Variants in TNS3 observed in about 807,000 individuals in gnomAD.
TNS3 encodes the protein tensin 3.
TNS3 carries 45 observed loss-of-function variants against 140.9 expected under a neutral mutation model. The ratio of observed to expected loss-of-function variants is 0.32; its 90% CI spans 0.25 to 0.41. The LOEUF (loss-of-function observed/expected upper bound fraction) is 0.41, where lower values mean the gene tolerates loss of function less well. Among genes scored for constraint, TNS3 ranks in the 10% least tolerant of loss-of-function variants. The probability of loss-of-function intolerance (pLI) is 1.00; values close to 1 mark genes in which losing one functional copy is unlikely to be tolerated. For synonymous variants in TNS3, 815 were observed against 788.4 expected (o/e 1.03, Z -0.56); for missense variants, 1,716 against 1,906.7 (o/e 0.90, Z 1.86).
At chr7:47,329,685 G>A (rs1239002517) in intron 20 of TNS3, among the ~76,000 whole-genome samples, 7 of 152,132 alleles carry the variant, frequency 4.6e-5, no homozygotes, top group African/African-American at 4.8e-5. Flanking sequence ...CAGGCTCAGC[G>A]GAAGCGGATG....
chr7:47,395,406 T>C (rs1434267368), intron 16 of TNS3, among the ~76,000 whole-genome samples: 1 of 152,138 alleles, frequency 6.6e-6, no homozygotes, highest in Non-Finnish European at 1.5e-5. Flanking sequence ...CACCCTTCTC[T>C]CCTCCAGTGG....
chr7:47,573,112 C>A (rs1800595945), intron 1 of TNS3, among the ~76,000 whole-genome samples: 1 of 152,268 alleles, frequency 6.6e-6, no homozygotes, highest in Non-Finnish European at 1.5e-5. Context: ...GAGGTGGGGC[C>A]CACCCACCAG....
rs1248362611 is a variant in TNS3, at chr7:47,297,120, G to A, written c.3638C>T (p.Ala1213Val). Residue 1213 changes from alanine (A) to valine (V), a missense_variant, in exon 24 of 31, where the codon GCC becomes GTC. By Grantham distance (64) the Ala-to-Val change is moderately conservative (BLOSUM62 0). Around this residue, in one of 3 missense-constraint regions of TNS3, gnomAD observed 216 missense variants for 295.7 expected, o/e 0.73. Transcript: ENST00000311160. ...CTGCAGGACTGAAGGTGGGGGCGTG[G>A]CCACCTTCATGGCCAGGCCATAGGC... ...RGAYGLAMKVATPPPSVLQLN... is the reference protein window; with the variant it reads ...RGAYGLAMKVVTPPPSVLQLN... 8 of 1,613,978 alleles carry A rather than the reference G, an allele frequency of 5.0e-6. No individual in the cohort carries two copies. Among genetic ancestry groups the A allele is most frequent in the Non-Finnish European group, 6.8e-6 (8 of 1,180,020 alleles).
rs540079126 is a variant in TNS3 at position 47,486,885 on chromosome 7, T to C, written c.-114-5744A>G. 3.9e-5 allele frequency among the ~76,000 whole-genome samples: 6 copies of C among 152,370 alleles called. No homozygotes were observed. The East Asian group carries it at 1.2e-3, about 29-fold the overall frequency. ...ACTACATATTCTGTATAAACATGCA[T>C]ATTCTGTATAAAGAGAATAAATGTA... On this transcript the variant is annotated intron_variant, in intron 3 of 30. Coordinates refer to ENST00000311160, the MANE Select transcript of TNS3 (RefSeq NM_022748.12).
chr7:47,311,580 G>A (rs1787106467), intron 20 of TNS3, among the ~76,000 whole-genome samples: 1 of 152,142 alleles, frequency 6.6e-6, no homozygotes, highest in South Asian at 2.1e-4. Context: ...AATTGTGAGT[G>A]AACTGGGAGA....
intron 17 of TNS3, among the ~76,000 whole-genome samples, chr7:47,348,046 G>T (rs1411608568): frequency 6.6e-6 from 1 of 152,198 alleles, no homozygotes. Flanking sequence ...GCAGGCCAGG[G>T]AGGGGACCAC....
intron 13 of TNS3, among the ~76,000 whole-genome samples, chr7:47,404,465 C>T (rs1793331511): frequency 6.6e-6 from 1 of 152,140 alleles, no homozygotes; most frequent in South Asian, 2.1e-4. Context: ...GCACTTGGTA[C>T]TCAAAAACAT....
intron 2 of TNS3, among the ~76,000 whole-genome samples, chr7:47,509,642 G>C (rs1293032560): frequency 6.6e-6 from 1 of 152,080 alleles, no homozygotes; most frequent in Non-Finnish European, 1.5e-5. Context: ...TACAAAATAT[G>C]AATCAAACAG....
At chr7:47,429,929 C>T (rs1236075845) in intron 8 of TNS3, among the ~76,000 whole-genome samples, 2 of 152,124 alleles carry the variant, frequency 1.3e-5, no homozygotes, top group African/African-American at 4.8e-5. Flanking sequence ...CAGCTGAATC[C>T]TGGCACGTGC....
At chr7:47,422,638 A>AAAG (rs145132293) in intron 10 of TNS3, among the ~76,000 whole-genome samples, 61,393 of 151,568 alleles carry the variant, frequency 0.41, 12,568 homozygotes, top group Non-Finnish European at 0.42. Flanking sequence ...AAAAGAAAAA[A>AAAG]AAAATGAAGA....
chr7:47,451,182 G>C (rs1176978512), intron 4 of TNS3, among the ~76,000 whole-genome samples: 1 of 152,170 alleles, frequency 6.6e-6, no homozygotes, highest in African/African-American at 2.4e-5. Flanking sequence ...CAAGGCCTAA[G>C]CCTGCAAAGA....
At chr7:47,554,759 G>A (rs142495957) in intron 1 of TNS3, among the ~76,000 whole-genome samples, 41 of 152,268 alleles carry the variant, frequency 2.7e-4, no homozygotes, top group Non-Finnish European at 5.1e-4. Context: ...GGCCGAGCAC[G>A]GTGGTTCACA....
chr7:47,581,337 C>G (rs1186011181), intron 1 of TNS3: 1 of 149,850 alleles, frequency 6.7e-6, no homozygotes, highest in African/African-American at 2.5e-5. Flanking sequence ...CCAGAATATC[C>G]CCCCACCCCG....
chr7:47,492,335 A>G (rs1039499111), intron 3 of TNS3, among the ~76,000 whole-genome samples: 2 of 152,228 alleles, frequency 1.3e-5, no homozygotes, highest in Non-Finnish European at 1.5e-5. Flanking sequence ...ACACAGCCGC[A>G]TATCGGCAGG....
intron 1 of TNS3, among the ~76,000 whole-genome samples, chr7:47,531,429 C>T (rs950792220): frequency 6.6e-6 from 1 of 152,058 alleles, no homozygotes; most frequent in Non-Finnish European, 1.5e-5. Flanking sequence ...CACCAGCTGA[C>T]ACCTATGACA....
In TNS3 at chr7:47,528,233, G is replaced by A. The variant is rs140992110; in HGVS notation, c.-153+803C>T. The stretch of plus-strand genomic sequence containing the variant: ...CCTCAACCCATTAAGGTTTGACTGC[G>A]TGCATCGTTCCATCACAGGCACCCT... On this transcript the variant is annotated intron_variant, in intron 2 of 30. Coordinates refer to ENST00000311160, the MANE Select transcript of TNS3 (RefSeq NM_022748.12). Among the ~76,000 whole-genome samples, 516 of 152,248 alleles carry A rather than the reference G, an allele frequency of 3.4e-3. 2 individuals are homozygous for A. Among genetic ancestry groups the A allele is most frequent in the African/African-American group, 0.011 (455 of 41,530 alleles).
chr7:47,543,510 G>C (rs1329132715), intron 1 of TNS3, among the ~76,000 whole-genome samples: 1 of 152,246 alleles, frequency 6.6e-6, no homozygotes, highest in Admixed American at 6.5e-5. Context: ...AGGAGACAAG[G>C]AGTCCAACTC....
In TNS3 at chr7:47,433,932, C is replaced by A. The variant is rs538903017; in HGVS notation, c.324+1350G>T. Among the ~76,000 whole-genome samples the A allele has an allele frequency of 2.0e-5, 3 of 151,544 alleles. No homozygotes were observed. In the East Asian group the frequency reaches 5.8e-4, roughly 29 times the overall value. On this transcript the variant is annotated intron_variant, in intron 8 of 30. Coordinates refer to ENST00000311160, the MANE Select transcript of TNS3 (RefSeq NM_022748.12). ...CTCTCTCTCTCTCTCTTAGTTTGCA[C>A]CAAAACACAATTTGGGTGAAGGATC...
At chr7:47,385,236 G>T (rs982761537) in intron 16 of TNS3, among the ~76,000 whole-genome samples, 1 of 152,154 alleles carries the variant, frequency 6.6e-6, no homozygotes, top group East Asian at 1.9e-4. Flanking sequence ...TCAGCAGAAG[G>T]AGATTCACAG....
Sources: gnomAD v4.1 joint callset for allele counts (sites outside exome capture counted in the v4.1 genomes callset) on GRCh38, gnomAD v4.1.1 for gene constraint, gnomAD v4.1.1 regional missense constraint, MANE v1.5 for transcripts, NCBI Gene and HGNC (gene_info 2026-07-23, HGNC 2026-07-21) for gene names.